Variants in PTDSS1 observed in about 807,000 individuals in gnomAD.
PTDSS1 encodes phosphatidylserine synthase 1.
In PTDSS1, 45 loss-of-function variants were observed where a neutral mutation model predicts 70.5. That is an observed-to-expected ratio of 0.64 (90% CI 0.50 to 0.82). PTDSS1 has a LOEUF of 0.82. PTDSS1 is among the 40% of genes least tolerant of loss of function. PTDSS1 has a pLI of 0.00. For missense variants in PTDSS1, 417 were observed against 586.1 expected, an observed-to-expected ratio of 0.71 and a Z score of 2.98; for synonymous variants, 188 against 203.8, an observed-to-expected ratio of 0.92 and a Z score of 0.66.
rs1810408315 is a variant in PTDSS1, at chr8:96,261,967, G to A, written c.-74G>A. On this transcript the variant is annotated 5_prime_UTR_variant, in exon 1 of 13. Transcript: ENST00000517309. Reference sequence around the variant, plus strand: ...TGCCGTCCGGCTATTAGCCTACTGTGGCTAGTCACCCCCGGGGTCCCGGCC... The same window carrying A: ...TGCCGTCCGGCTATTAGCCTACTGTAGCTAGTCACCCCCGGGGTCCCGGCC... 6.8e-7 allele frequency: 1 copy of A among 1,479,538 alleles called. No homozygotes were observed. 91.7% of individuals were successfully genotyped at this position (1,479,538 alleles called of 1,614,324 possible).
At chr8:96,274,772 G>A (rs1317732410) in intron 2 of PTDSS1, among the ~76,000 whole-genome samples, 1 of 152,148 alleles carries the variant, frequency 6.6e-6, no homozygotes, top group Admixed American at 6.5e-5. Flanking sequence ...GTAGTTAGGA[G>A]CGTCACTCTG....
At chr8:96,322,199 A>G (rs1350337156) in intron 10 of PTDSS1, among the ~76,000 whole-genome samples, 9 of 152,128 alleles carry the variant, frequency 5.9e-5, no homozygotes, top group African/African-American at 2.2e-4. Flanking sequence ...GTGACCAGAA[A>G]GGTCTTCTCA....
intron 1 of PTDSS1, among the ~76,000 whole-genome samples, chr8:96,272,734 C>G (rs1810584094): frequency 6.6e-6 from 1 of 152,152 alleles, no homozygotes; most frequent in Non-Finnish European, 1.5e-5. Context: ...TATAAACTGC[C>G]TGGTCAGTGC....
At chr8:96,287,381 C>G (rs1038824761) in intron 4 of PTDSS1, 1 of 488,874 alleles carries the variant, frequency 2.0e-6, no homozygotes, top group Non-Finnish European at 3.6e-6. Context: ...CACACTTTAT[C>G]GTCAGACAGC....
At chr8:96,265,026 G>A (rs953207732) in intron 1 of PTDSS1, among the ~76,000 whole-genome samples, 3 of 152,122 alleles carry the variant, frequency 2.0e-5, no homozygotes, top group African/African-American at 7.2e-5. Flanking sequence ...AATGATTTGT[G>A]ACTTAAGTGG....
At chr8:96,263,016 C>G (rs2129975252) in intron 1 of PTDSS1, among the ~76,000 whole-genome samples, 1 of 152,318 alleles carries the variant, frequency 6.6e-6, no homozygotes, top group South Asian at 2.1e-4. Context: ...AACATACGTG[C>G]TGAAATGTGA....
Position 96,330,247 on chromosome 8 carries a change from T to C in PTDSS1, c.1208T>C (p.Ile403Thr). The C allele has an allele frequency of 6.2e-7, 1 of 1,612,946 alleles. No individual in the cohort carries two copies. Among genetic ancestry groups the C allele is most frequent in the Non-Finnish European group, 8.5e-7 (1 of 1,179,254 alleles). The change falls in exon 11 of 13, where the codon ATT becomes ACT. Residue 403 changes from isoleucine (I) to threonine (T), a missense_variant. Around this residue, in one of 3 missense-constraint regions of PTDSS1, gnomAD observed 107 missense variants for 122.3 expected, o/e 0.88. Transcript: ENST00000517309. ...ACTTTCCTCTGTCTGTACGGCATGA[T>C]TTGGTATGCAGAACACTATGGTCAC... ...FTTFLCLYGM[I>T]WYAEHYGHRE...
At chr8:96,309,651 A>G (rs750364977) in intron 9 of PTDSS1, 29 bp downstream of exon 9, 1 of 1,608,896 alleles carries the variant, frequency 6.2e-7, no homozygotes, top group South Asian at 1.1e-5. Context: ...TGGAGATTTA[A>G]AAACCACTTA....
intron 10 of PTDSS1, among the ~76,000 whole-genome samples, chr8:96,325,709 A>G (rs1269300864): frequency 6.6e-6 from 1 of 152,068 alleles, no homozygotes; most frequent in African/African-American, 2.4e-5. Flanking sequence ...TCAGAACTCA[A>G]TCTCTTTCCC....
intron 1 of PTDSS1, among the ~76,000 whole-genome samples, chr8:96,267,194 A>G (rs1250953290): frequency 1.3e-5 from 2 of 152,222 alleles, no homozygotes; most frequent in Non-Finnish European, 2.9e-5. Flanking sequence ...AGTCTTAACT[A>G]ATCCCAGAAC....
In PTDSS1 at chr8:96,290,884, T is replaced by TATATTATAAATATTATAAACATTTATAAA. The variant is rs1203052835; in HGVS notation, c.441+3750_441+3778dup. Among the ~76,000 whole-genome samples, 941 of 147,754 alleles carry TATATTATAAATATTATAAACATTTATAAA rather than the reference T, an allele frequency of 6.4e-3. 11 individuals are homozygous for TATATTATAAATATTATAAACATTTATAAA. Among genetic ancestry groups the TATATTATAAATATTATAAACATTTATAAA allele is most frequent in the African/African-American group, 0.022 (877 of 40,738 alleles). On this transcript the variant is annotated intron_variant, in intron 4 of 12. Transcript: ENST00000517309. ...ATATAATATAAATATTCATAAAATATATATTATAAATATTATAAACATTTA... is the reference window on the plus strand; with the variant it reads ...ATATAATATAAATATTCATAAAATATATATTATAAATATTATAAACATTTATAAAATATTATAAATATTATAAACATTTA...
At chr8:96,299,002 T>G (rs936320313) in intron 5 of PTDSS1, among the ~76,000 whole-genome samples, 1 of 149,022 alleles carries the variant, frequency 6.7e-6, no homozygotes, top group Non-Finnish European at 1.5e-5. Flanking sequence ...ATCGCACCAC[T>G]GCACTCCAGC....
intron 10 of PTDSS1, among the ~76,000 whole-genome samples, chr8:96,329,641 T>C (rs1404224302): frequency 6.6e-6 from 1 of 152,138 alleles, no homozygotes; most frequent in Admixed American, 6.5e-5. Context: ...TCTCTTTGTT[T>C]TCCTATCCAT....
At chr8:96,310,465 G>GCT (rs902719918) in intron 9 of PTDSS1, among the ~76,000 whole-genome samples, 1 of 150,238 alleles carries the variant, frequency 6.7e-6, no homozygotes, top group African/African-American at 2.4e-5. Flanking sequence ...CCCGGCCTTG[G>GCT]CTCTCTTTTT....
intron 9 of PTDSS1, among the ~76,000 whole-genome samples, chr8:96,316,777 G>C (rs924641002): frequency 6.6e-6 from 1 of 152,050 alleles, no homozygotes; most frequent in African/African-American, 2.4e-5. Flanking sequence ...GGCGGATCAC[G>C]AGGTCAGGAG....
At chr8:96,263,599 C>T (rs1810445465) in intron 1 of PTDSS1, among the ~76,000 whole-genome samples, 1 of 152,228 alleles carries the variant, frequency 6.6e-6, no homozygotes, top group African/African-American at 2.4e-5. Flanking sequence ...AGTTACTTCT[C>T]TCCCAGTATT....
intron 9 of PTDSS1, among the ~76,000 whole-genome samples, chr8:96,317,352 C>T (rs986606237): frequency 1.3e-5 from 2 of 152,120 alleles, no homozygotes; most frequent in African/African-American, 4.8e-5. Flanking sequence ...TGTGCCCACA[C>T]ACACGGACAA....
intron 7 of PTDSS1, among the ~76,000 whole-genome samples, chr8:96,306,058 G>T (rs1227079557): frequency 2.6e-5 from 4 of 152,162 alleles, no homozygotes; most frequent in African/African-American, 9.7e-5. Flanking sequence ...TTTCTGTAAG[G>T]CAGCATAGGT....
chr8:96,329,236 A>G (rs1212499768), intron 10 of PTDSS1, among the ~76,000 whole-genome samples: 17 of 152,186 alleles, frequency 1.1e-4, no homozygotes, highest in Admixed American at 1.1e-3. Flanking sequence ...TGGAGGCTCA[A>G]CAGCCAGGAT....
Sources: gnomAD v4.1 joint callset for allele counts (sites outside exome capture counted in the v4.1 genomes callset) on GRCh38, gnomAD v4.1.1 for gene constraint, gnomAD v4.1.1 regional missense constraint, MANE v1.5 for transcripts, NCBI Gene and HGNC (gene_info 2026-07-23, HGNC 2026-07-21) for gene names.